Variants in ATXN1 observed in about 807,000 individuals in gnomAD.
ATXN1 encodes ataxin 1.
A neutral mutation model predicts 56.4 loss-of-function variants in ATXN1; 8 were observed. That is an observed-to-expected ratio of 0.14 (90% CI 0.08 to 0.26). The LOEUF is 0.26. Ranked by LOEUF, ATXN1 falls within the 10% of genes least tolerant of loss-of-function variation. ATXN1 has a pLI of 1.00. For synonymous variants in ATXN1, 514 were observed against 494.6 expected, an observed-to-expected ratio of 1.04 and a Z score of -0.52; for missense variants, 987 against 1,106.5, an observed-to-expected ratio of 0.89 and a Z score of 1.53.
chr6:16,559,479 G>A (rs776214487), intron 4 of ATXN1, among the ~76,000 whole-genome samples: 6 of 152,106 alleles, frequency 3.9e-5, no homozygotes, highest in Non-Finnish European at 5.9e-5. Context: ...TCTATGTTCC[G>A]ATAAGAAAGG....
At chr6:16,378,503 G>C (rs751531114) in intron 6 of ATXN1, among the ~76,000 whole-genome samples, 2 of 152,002 alleles carry the variant, frequency 1.3e-5, no homozygotes, top group Non-Finnish European at 2.9e-5. Context: ...TATGAACAGT[G>C]CTCTTCCATT....
intron 2 of ATXN1, among the ~76,000 whole-genome samples, chr6:16,697,135 A>G (rs1759181653): frequency 6.6e-6 from 1 of 152,222 alleles, no homozygotes; most frequent in Non-Finnish European, 1.5e-5. Flanking sequence ...TGCTGGTGCA[A>G]TTTAGGTGAA....
chr6:16,393,378 A>T (rs1413879860), intron 6 of ATXN1, among the ~76,000 whole-genome samples: 1 of 152,066 alleles, frequency 6.6e-6, no homozygotes, highest in Non-Finnish European at 1.5e-5. Context: ...AAGACTACAG[A>T]GATGTACAAC....
At chr6:16,720,168 T>C (rs974269520) in intron 2 of ATXN1, among the ~76,000 whole-genome samples, 4 of 152,154 alleles carry the variant, frequency 2.6e-5, no homozygotes, top group African/African-American at 9.7e-5. Flanking sequence ...ACCACTCCCA[T>C]CTTCCAGGGC....
intron 2 of ATXN1, among the ~76,000 whole-genome samples, chr6:16,733,760 T>G (rs999946393): frequency 6.6e-6 from 1 of 152,176 alleles, no homozygotes; most frequent in African/African-American, 2.4e-5. Context: ...GGCAGGAGAA[T>G]CACTTGAATC....
chr6:16,629,624 TA>T (rs1174487422), intron 3 of ATXN1, among the ~76,000 whole-genome samples: 3 of 152,086 alleles, frequency 2.0e-5, no homozygotes, highest in Non-Finnish European at 4.4e-5. Flanking sequence ...TTTAAAAATA[TA>T]TATATTTCGG....
chr6:16,518,153 G>A (rs1761221028), intron 5 of ATXN1, among the ~76,000 whole-genome samples: 1 of 152,176 alleles, frequency 6.6e-6, no homozygotes, highest in South Asian at 2.1e-4. Context: ...TGAGTGAGCT[G>A]GGGGCGGGTA....
At chr6:16,558,179 G>A (rs746844379) in intron 4 of ATXN1, among the ~76,000 whole-genome samples, 1 of 151,924 alleles carries the variant, frequency 6.6e-6, no homozygotes, top group East Asian at 1.9e-4. Context: ...GCTCACACCT[G>A]TAATCCTAGC....
chr6:16,364,243 C>T (rs1378678854), intron 6 of ATXN1, among the ~76,000 whole-genome samples: 1 of 152,094 alleles, frequency 6.6e-6, no homozygotes, highest in African/African-American at 2.4e-5. Flanking sequence ...ATTCCCCAAA[C>T]TGAATTGCCT....
At chr6:16,644,143 A>G (rs929168794) in intron 3 of ATXN1, among the ~76,000 whole-genome samples, 1 of 152,186 alleles carries the variant, frequency 6.6e-6, no homozygotes, top group Non-Finnish European at 1.5e-5. Context: ...TCTGTTCGGG[A>G]TGATGAAAAA....
chr6:16,500,738 T>TAAAAAAAAAAA (rs1167731131), intron 5 of ATXN1, among the ~76,000 whole-genome samples: 4 of 84,616 alleles, frequency 4.7e-5, no homozygotes, highest in Non-Finnish European at 7.5e-5. Context: ...TTCATTATGA[T>TAAAAAAAAAAA]AAAAAAAAAA....
intron 1 of ATXN1, among the ~76,000 whole-genome samples, chr6:16,759,535 T>TTTC: frequency 1.4e-5 from 2 of 141,394 alleles, no homozygotes; most frequent in African/African-American, 5.3e-5. Flanking sequence ...CGACTGTTTT[T>TTTC]TTTTTTTTTT....
At chr6:16,639,583 G>A (rs188517176) in intron 3 of ATXN1, among the ~76,000 whole-genome samples, 385 of 152,276 alleles carry the variant, frequency 2.5e-3, no homozygotes, top group Non-Finnish European at 4.3e-3. Context: ...CAAGGTGCTG[G>A]GATTACAGGC....
At chr6:16,592,695 T>C (rs1762744130) in intron 3 of ATXN1, among the ~76,000 whole-genome samples, 1 of 152,078 alleles carries the variant, frequency 6.6e-6, no homozygotes, top group African/African-American at 2.4e-5. Context: ...GGGTTCGTGG[T>C]CTCGCTGACT....
chr6:16,698,669 A>AT (rs1759217403), intron 2 of ATXN1, among the ~76,000 whole-genome samples: 1 of 149,016 alleles, frequency 6.7e-6, no homozygotes, highest in African/African-American at 2.5e-5. Flanking sequence ...AAAAAAAAAA[A>AT]AGATCTTCAC....
intron 6 of ATXN1, among the ~76,000 whole-genome samples, chr6:16,372,554 G>T (rs1056858507): frequency 1.3e-5 from 2 of 152,160 alleles, no homozygotes; most frequent in Non-Finnish European, 2.9e-5. Flanking sequence ...TTTCTGAAAT[G>T]CCAAGGGCCC....
chr6:16,441,219 A>G (rs1435579342), intron 6 of ATXN1, among the ~76,000 whole-genome samples: 1 of 152,208 alleles, frequency 6.6e-6, no homozygotes, highest in African/African-American at 2.4e-5. Flanking sequence ...GAAACTTTTG[A>G]GAGCAGAATC....
In ATXN1 at chr6:16,601,163, A is replaced by G. The variant is rs146816036; in HGVS notation, c.-488-15256T>C. ...CAAGACCGGATCTAAGTTATTTCAT[A>G]GGTAACTTTAGAAAGCACGTCCCAA... On this transcript the variant is annotated intron_variant, in intron 3 of 7. Coordinates refer to ENST00000436367, the MANE Select transcript of ATXN1 (RefSeq NM_001128164.2). Among the ~76,000 whole-genome samples the G allele has an allele frequency of 2.2e-4, 34 of 152,346 alleles. No individual in the cohort carries two copies. In the East Asian group the frequency reaches 6.6e-3, roughly 29 times the overall value.
intron 6 of ATXN1, among the ~76,000 whole-genome samples, chr6:16,456,720 C>A (rs1046858220): frequency 6.6e-6 from 1 of 152,200 alleles, no homozygotes; most frequent in Non-Finnish European, 1.5e-5. Context: ...CAAGGTTAGT[C>A]TTGCTTCTAA....
Sources: gnomAD v4.1 joint callset for allele counts (sites outside exome capture counted in the v4.1 genomes callset) on GRCh38, gnomAD v4.1.1 for gene constraint, MANE v1.5 for transcripts, NCBI Gene and HGNC (gene_info 2026-07-23, HGNC 2026-07-21) for gene names.